ECPAS: variants seen among roughly 807,000 people sequenced by gnomAD.
The protein encoded by ECPAS is proteasome adapter and scaffold protein ECM29.
A neutral mutation model predicts 255.1 loss-of-function variants in ECPAS; 70 were observed. The observed-to-expected ratio is 0.27, with a 90% CI of 0.23 to 0.33. The LOEUF is 0.33. Ranked by LOEUF, ECPAS falls within the 10% of genes least tolerant of loss-of-function variation. ECPAS has a pLI of 1.00. For synonymous variants in ECPAS, 784 were observed against 775.0 expected (o/e 1.01, Z -0.19); for missense variants, 1,817 against 2,206.4 (o/e 0.82, Z 3.54).
Position 111,442,507 on chromosome 9 carries a change from A to T in ECPAS, c.271-83T>A, listed in dbSNP as rs2098247275. 9.2e-6 allele frequency: 8 copies of T among 871,454 alleles called. No homozygotes were observed. The East Asian group carries it at 2.2e-4, about 24-fold the overall frequency. The allele number at this position is 871,454 out of a possible 1,614,324, so 54.0% of individuals were successfully genotyped here. ...AAAATATATGATTGATAACTTAGAG[A>T]GTTATGGTTACAACAAAGACATTGT... On this transcript the variant is annotated intron_variant, in intron 4 of 49. Transcript: ENST00000684092.
At chr9:111,474,077 A>G (rs2098293111) in intron 1 of ECPAS, among the ~76,000 whole-genome samples, 1 of 152,222 alleles carries the variant, frequency 6.6e-6, no homozygotes, top group Admixed American at 6.5e-5. Context: ...CACATTAAGA[A>G]GTATCAGAAT....
chr9:111,413,769 AAG>A (rs1296425865), intron 20 of ECPAS, 124 bp downstream of exon 20: 9 of 498,026 alleles, frequency 1.8e-5, no homozygotes, highest in African/African-American at 1.4e-4. Context: ...GTCTGATGAT[AAG>A]AGAGTTTTCA....
At chr9:111,440,852 T>C (rs180753287) in intron 5 of ECPAS, among the ~76,000 whole-genome samples, 15 of 152,346 alleles carry the variant, frequency 9.8e-5, no homozygotes, top group Non-Finnish European at 2.2e-4. Context: ...AAGTTCAACT[T>C]ACTTGTCTTT....
rs145063696 is a variant in ECPAS, at chr9:111,481,124, G to C, written c.-83+2992C>G. Among the ~76,000 whole-genome samples the C allele has an allele frequency of 1.8e-4, 27 of 152,310 alleles. 1 individual carries two copies. The South Asian group carries it at 3.9e-3, about 22-fold the overall frequency. On this transcript the variant is annotated intron_variant, in intron 1 of 49. Transcript: ENST00000684092. ...TGGTTACTACTGACAATATAGATAA[G>C]TGTCGGCCAGGATATAGAGAAATTA...
chr9:111,412,206 A>T, intron 20 of ECPAS, 58 bp from the exon 21 acceptor site: 2 of 1,387,872 alleles, frequency 1.4e-6, no homozygotes, highest in Non-Finnish European at 9.5e-7. Context: ...GTGCCTGATG[A>T]CAACATCTTT....
intron 11 of ECPAS, 98 bp from the exon 12 acceptor site, chr9:111,425,594 T>C (rs1435891371): frequency 9.6e-7 from 1 of 1,046,230 alleles, no homozygotes; most frequent in Non-Finnish European, 1.4e-6. Context: ...ATAACCGAAA[T>C]AAGTTAAATA....
At chr9:111,442,689 C>T (rs972047311) in intron 4 of ECPAS, among the ~76,000 whole-genome samples, 1 of 152,130 alleles carries the variant, frequency 6.6e-6, no homozygotes, top group Admixed American at 6.5e-5. Context: ...TATGCAATTT[C>T]TTATCATGAA....
At chr9:111,363,780 A>ATTT in intron 48 of ECPAS, 121 bp from the exon 49 acceptor site, 10 of 486,542 alleles carry the variant, frequency 2.1e-5, no homozygotes, top group Admixed American at 4.1e-5. Flanking sequence ...GGTATATCTG[A>ATTT]TTTTTTTTTT....
At chr9:111,441,113 C>T (rs1472744106) in intron 5 of ECPAS, among the ~76,000 whole-genome samples, 1 of 151,138 alleles carries the variant, frequency 6.6e-6, no homozygotes, top group Non-Finnish European at 1.5e-5. Flanking sequence ...GATCAAGCCA[C>T]TGCACTCCAA....
At chr9:111,370,410 G>A in intron 45 of ECPAS, 25 bp downstream of exon 45, 1 of 1,472,634 alleles carries the variant, frequency 6.8e-7, no homozygotes, top group Non-Finnish European at 9.2e-7. Flanking sequence ...GTATAAACCA[G>A]AACTGAGGAT....
At chr9:111,465,323 T>C (rs1293911958) in intron 2 of ECPAS, among the ~76,000 whole-genome samples, 1 of 151,960 alleles carries the variant, frequency 6.6e-6, no homozygotes, top group African/African-American at 2.4e-5. Context: ...GTGGATCACC[T>C]GAGGTCAGGA....
At chr9:111,471,017 T>C (rs76997563) in intron 2 of ECPAS, among the ~76,000 whole-genome samples, 6 of 152,222 alleles carry the variant, frequency 3.9e-5, no homozygotes, top group East Asian at 3.9e-4. Context: ...GGAAATAATA[T>C]ATACTATGCA....
chr9:111,459,169 T>A (rs1012317265), intron 2 of ECPAS, among the ~76,000 whole-genome samples: 1 of 152,206 alleles, frequency 6.6e-6, no homozygotes. Context: ...TTGTATATAA[T>A]TATCTCTCAG....
chr9:111,377,213 GAGA>G (rs1476865805), intron 36 of ECPAS, among the ~76,000 whole-genome samples: 3 of 152,168 alleles, frequency 2.0e-5, no homozygotes, highest in Admixed American at 6.5e-5. Flanking sequence ...TAAGTTATTA[GAGA>G]AGTTTAGGCA....
rs559414214 is a variant in ECPAS at position 111,461,890 on chromosome 9, G to A, written c.23-10335C>T. 6.7e-4 allele frequency among the ~76,000 whole-genome samples: 102 copies of A among 152,316 alleles called. 1 individual carries two copies. Among genetic ancestry groups the A allele is most frequent in the African/African-American group, 2.3e-3 (95 of 41,570 alleles). ...ATGGCAGCAGGCAAAGGGACAGCTT[G>A]TACAGGCAAACTCCCGTTTCTGAAA... On this transcript the variant is annotated intron_variant, in intron 2 of 49. Transcript: ENST00000684092.
At chr9:111,438,351 T>G (rs946656646) in intron 6 of ECPAS, among the ~76,000 whole-genome samples, 1 of 152,088 alleles carries the variant, frequency 6.6e-6, no homozygotes, top group Non-Finnish European at 1.5e-5. Flanking sequence ...TAAGGCTGGG[T>G]GTGGTGGCTC....
At chr9:111,429,171 G>A (rs930468217) in intron 9 of ECPAS, among the ~76,000 whole-genome samples, 3 of 151,510 alleles carry the variant, frequency 2.0e-5, no homozygotes, top group Non-Finnish European at 4.4e-5. Context: ...TACCCATCTC[G>A]GTAGCTATAA....
At chr9:111,436,910 C>A in intron 7 of ECPAS, 30 bp downstream of exon 7, 2 of 1,547,098 alleles carry the variant, frequency 1.3e-6, no homozygotes, top group Non-Finnish European at 1.7e-6. Flanking sequence ...CCACAATCAA[C>A]TACTATTATG....
intron 32 of ECPAS, among the ~76,000 whole-genome samples, chr9:111,386,154 G>A (rs1341676454): frequency 6.6e-6 from 1 of 152,154 alleles, no homozygotes; most frequent in Non-Finnish European, 1.5e-5. Flanking sequence ...AGTAGAGACG[G>A]GGTTTCACCA....
Sources: allele counts gnomAD v4.1 joint callset (sites outside exome capture counted in the v4.1 genomes callset), GRCh38; gene constraint gnomAD v4.1.1; transcripts MANE v1.5; gene names NCBI Gene and HGNC (gene_info 2026-07-23, HGNC 2026-07-21).